The following QTMAN variants were observed in gnomAD, a reference collection of about 807,000 sequenced individuals.
QTMAN encodes tRNA-queuosine alpha-mannosyltransferase.
chr2:143,991,611 C>T, the QTMAN span, among the ~76,000 whole-genome samples: 2 of 138,380 alleles, frequency 1.4e-5, no homozygotes, highest in African/African-American at 2.8e-5. Context: ...AGGTGAGGGG[C>T]GCCTCTGCCC....
chr2:144,085,477 T>C, the QTMAN span, among the ~76,000 whole-genome samples: 13 of 152,224 alleles, frequency 8.5e-5, no homozygotes, highest in Admixed American at 6.5e-4. Flanking sequence ...GCTTTTATTT[T>C]GACCTTCAAG....
At chr2:143,957,363 T>C in the QTMAN span, 4 of 1,493,794 alleles carry the variant, frequency 2.7e-6, no homozygotes, top group South Asian at 2.5e-5. Context: ...GAAAAAGATA[T>C]TCATCTATTT....
At chr2:144,013,811 ATGT>A in the QTMAN span, among the ~76,000 whole-genome samples, 3 of 152,214 alleles carry the variant, frequency 2.0e-5, no homozygotes, top group South Asian at 2.1e-4. Flanking sequence ...TTGCCAAACA[ATGT>A]GGTGGAAATT....
At chr2:143,967,707 C>T in the QTMAN span, among the ~76,000 whole-genome samples, 2 of 151,872 alleles carry the variant, frequency 1.3e-5, no homozygotes, top group African/African-American at 4.8e-5. Flanking sequence ...TTTGTGGAAG[C>T]GCTAGATAAG....
chr2:144,180,913 G>A, the QTMAN span, among the ~76,000 whole-genome samples: 1 of 152,104 alleles, frequency 6.6e-6, no homozygotes, highest in Admixed American at 6.6e-5. Context: ...TACTGGAGGT[G>A]ACAAATGGGG....
the QTMAN span, among the ~76,000 whole-genome samples, chr2:144,282,381 A>G: frequency 1.3e-5 from 2 of 148,686 alleles, no homozygotes; most frequent in East Asian, 1.9e-4. Context: ...CCCATATATA[A>G]TATTTATATA....
At chr2:144,068,914 C>G in the QTMAN span, among the ~76,000 whole-genome samples, 1 of 152,140 alleles carries the variant, frequency 6.6e-6, no homozygotes. Flanking sequence ...GCCAAGAAGT[C>G]TCAAGAATGG....
the QTMAN span, chr2:143,943,702 T>C: frequency 3.3e-5 from 5 of 152,356 alleles, no homozygotes; most frequent in South Asian, 2.1e-4. Context: ...AGAGTTTCCA[T>C]TGACTTATGG....
chr2:144,096,665 A>C, the QTMAN span, among the ~76,000 whole-genome samples: 1 of 152,346 alleles, frequency 6.6e-6, no homozygotes, highest in Admixed American at 6.5e-5. Flanking sequence ...CTATCTGATT[A>C]GTGGAGAGAG....
At chr2:144,023,502 T>A in the QTMAN span, among the ~76,000 whole-genome samples, 3 of 152,184 alleles carry the variant, frequency 2.0e-5, no homozygotes, top group Non-Finnish European at 4.4e-5. Context: ...TTAAAAAAAT[T>A]TTGCACATTG....
At chr2:144,276,459 G>T in the QTMAN span, among the ~76,000 whole-genome samples, 1 of 152,120 alleles carries the variant, frequency 6.6e-6, no homozygotes, top group South Asian at 2.1e-4. Flanking sequence ...CAAAGTGCTA[G>T]GATTACAGGC....
the QTMAN span, among the ~76,000 whole-genome samples, chr2:144,020,513 T>C: frequency 6.6e-6 from 1 of 152,226 alleles, no homozygotes; most frequent in Non-Finnish European, 1.5e-5. Context: ...TTAATTGAGC[T>C]GGTTAAAACA....
At chr2:144,118,749 C>T in the QTMAN span, among the ~76,000 whole-genome samples, 33 of 152,182 alleles carry the variant, frequency 2.2e-4, no homozygotes, top group South Asian at 6.2e-3. Context: ...GGCATGGTGG[C>T]GGATGCCTGT....
At chr2:144,211,917 T>C in the QTMAN span, among the ~76,000 whole-genome samples, 1 of 152,168 alleles carries the variant, frequency 6.6e-6, no homozygotes, top group African/African-American at 2.4e-5. Context: ...ACAGACATTT[T>C]TGCACCACTA....
chr2:144,096,295 A>T, the QTMAN span, among the ~76,000 whole-genome samples: 1 of 152,204 alleles, frequency 6.6e-6, no homozygotes, highest in South Asian at 2.1e-4. Context: ...TTGGTCTACA[A>T]TCATATCTAG....
At chr2:144,305,772 G>A in the QTMAN span, among the ~76,000 whole-genome samples, 6 of 152,058 alleles carry the variant, frequency 3.9e-5, no homozygotes, top group Non-Finnish European at 5.9e-5. Flanking sequence ...TTTTTGGTAG[G>A]TTTCAGAGTA....
chr2:144,224,649 G>C, the QTMAN span, among the ~76,000 whole-genome samples: 1 of 152,184 alleles, frequency 6.6e-6, no homozygotes, highest in South Asian at 2.1e-4. Flanking sequence ...GAAATCAGAA[G>C]AAGGGGCGAG....
chr2:144,320,464 C>G, the QTMAN span, among the ~76,000 whole-genome samples: 1 of 152,180 alleles, frequency 6.6e-6, no homozygotes, highest in Non-Finnish European at 1.5e-5. Flanking sequence ...TACTACAATG[C>G]AGACAGCTCT....
chr2:144,110,204 T>C, the QTMAN span, among the ~76,000 whole-genome samples: 1 of 152,206 alleles, frequency 6.6e-6, no homozygotes, highest in Non-Finnish European at 1.5e-5. Flanking sequence ...TGGAATACTA[T>C]GCAGCCATAA....
Sources: allele counts gnomAD v4.1 joint callset (sites outside exome capture counted in the v4.1 genomes callset), GRCh38; gene constraint gnomAD v4.1.1; transcripts MANE v1.5; gene names NCBI Gene and HGNC (gene_info 2026-07-23, HGNC 2026-07-21).